The following ANKRD30A variants were observed in gnomAD, a reference collection of about 807,000 sequenced individuals.
ANKRD30A encodes ankyrin repeat domain 30A, also known as ankyrin repeat domain-containing protein 30A.
Under a neutral mutation model 166.3 loss-of-function variants are expected in ANKRD30A, and 170 were observed. The observed-to-expected ratio is 1.02, with a 90% CI of 0.90 to 1.16. ANKRD30A has a LOEUF of 1.16. Ranked by LOEUF, ANKRD30A falls within the 50% of genes most tolerant of loss-of-function variation. The pLI is 0.00. For missense variants in ANKRD30A, 1,630 were observed against 1,518.0 expected (o/e 1.07, Z -1.23); for synonymous variants, 564 against 508.9 (o/e 1.11, Z -1.46).
At chr10:37,223,517 A>G (rs1842989076) in intron 34 of ANKRD30A, among the ~76,000 whole-genome samples, 1 of 151,352 alleles carries the variant, frequency 6.6e-6, no homozygotes, top group East Asian at 1.9e-4. Context: ...TGGAAACCAA[A>G]ATGTAAATAT....
intron 24 of ANKRD30A, among the ~76,000 whole-genome samples, chr10:37,179,651 G>A (rs1432846534): frequency 6.9e-6 from 1 of 145,610 alleles, no homozygotes; most frequent in South Asian, 2.3e-4. Context: ...TATCCGAACT[G>A]TGTGGCTTCT....
chr10:37,221,079 G>A (rs1392415994), intron 34 of ANKRD30A, among the ~76,000 whole-genome samples: 1 of 137,596 alleles, frequency 7.3e-6, no homozygotes, highest in Non-Finnish European at 1.6e-5. Flanking sequence ...TCAGTAGGTT[G>A]TGAAGCATTA....
At chr10:37,152,200 T>A in intron 12 of ANKRD30A, 79 bp downstream of exon 12, 16 of 1,224,238 alleles carry the variant, frequency 1.3e-5, no homozygotes, top group Non-Finnish European at 1.2e-6. Context: ...TAGGCTTTAT[T>A]TTCTCGCCTC....
chr10:37,165,828 AC>A (rs1302651646), intron 18 of ANKRD30A, among the ~76,000 whole-genome samples: 1 of 152,164 alleles, frequency 6.6e-6, no homozygotes, highest in East Asian at 1.9e-4. Flanking sequence ...TTTTAAGGTC[AC>A]AACGGCGGAA....
chr10:37,160,708 CTTT>C (rs938080133), intron 15 of ANKRD30A, among the ~76,000 whole-genome samples: 62 of 152,178 alleles, frequency 4.1e-4, no homozygotes, highest in African/African-American at 1.4e-3. Flanking sequence ...ACTGTGCTCT[CTTT>C]TTCCCTAGAG....
At chr10:37,255,276 G>A in the ANKRD30A span, among the ~76,000 whole-genome samples, 1 of 152,168 alleles carries the variant, frequency 6.6e-6, no homozygotes, top group Non-Finnish European at 1.5e-5. Context: ...AGAAGGGCAA[G>A]AGGGTGGGAA....
At chr10:37,229,635 C>T (rs556301720) in intron 34 of ANKRD30A, among the ~76,000 whole-genome samples, 1 of 152,034 alleles carries the variant, frequency 6.6e-6, no homozygotes, top group East Asian at 1.9e-4. Flanking sequence ...ATTTAGTAAA[C>T]ATTGCTGATA....
chr10:37,128,988 G>A (rs553127473), intron 1 of ANKRD30A, among the ~76,000 whole-genome samples: 19 of 152,084 alleles, frequency 1.2e-4, no homozygotes, highest in East Asian at 1.9e-4. Context: ...ATCTAAATAC[G>A]GAATAAGATG....
chr10:37,212,489 T>A (rs572177129), intron 31 of ANKRD30A, among the ~76,000 whole-genome samples: 33 of 152,132 alleles, frequency 2.2e-4, no homozygotes, highest in Non-Finnish European at 3.7e-4. Flanking sequence ...AAGCTACCAA[T>A]GACCTTCTTC....
chr10:37,194,631 C>A, intron 27 of ANKRD30A, among the ~76,000 whole-genome samples: 1 of 152,150 alleles, frequency 6.6e-6, no homozygotes, highest in East Asian at 1.9e-4. Context: ...AGGCGTGAGG[C>A]ACCGTGCCCG....
At chr10:37,254,785 A>C in the ANKRD30A span, among the ~76,000 whole-genome samples, 37 of 148,658 alleles carry the variant, frequency 2.5e-4, no homozygotes, top group African/African-American at 8.9e-4. Context: ...CCGGGTTCAC[A>C]CCATTCTCCT....
intron 12 of ANKRD30A, among the ~76,000 whole-genome samples, chr10:37,152,753 C>T (rs17590222): frequency 6.6e-6 from 1 of 152,006 alleles, no homozygotes; most frequent in African/African-American, 2.4e-5. Context: ...AGTCAAGCTG[C>T]AGCAGCATGA....
intron 34 of ANKRD30A, among the ~76,000 whole-genome samples, chr10:37,226,659 G>T (rs1843168255): frequency 6.6e-6 from 1 of 151,748 alleles, no homozygotes; most frequent in Non-Finnish European, 1.5e-5. Context: ...TGAACTTTTA[G>T]GTATAAGTTT....
At chr10:37,229,563 T>C (rs1843321372) in intron 34 of ANKRD30A, among the ~76,000 whole-genome samples, 2 of 151,960 alleles carry the variant, frequency 1.3e-5, no homozygotes, top group Admixed American at 1.3e-4. Flanking sequence ...TTAACTGTAT[T>C]CACTCTACAA....
In ANKRD30A at chr10:37,149,759, G is replaced by A. The variant is rs761823168; in HGVS notation, c.1573-18G>A. ...GTATACATTCTTTATTAATCATTTTGCTTCCAACCCCATTTAGCCTGCCAT... is the reference window on the plus strand; with the variant it reads ...GTATACATTCTTTATTAATCATTTTACTTCCAACCCCATTTAGCCTGCCAT... On this transcript the variant is annotated intron_variant, in intron 10 of 35. Coordinates refer to ENST00000361713, the MANE Select transcript of ANKRD30A (RefSeq NM_052997.3). 2.9e-5 allele frequency: 47 copies of A among 1,612,710 alleles called. 1 individual carries two copies. The South Asian group carries it at 4.7e-4, about 16-fold the overall frequency.
chr10:37,231,769 C>G (rs1005323680), intron 35 of ANKRD30A, 89 bp downstream of exon 35: 4 of 218,148 alleles, frequency 1.8e-5, no homozygotes, highest in African/African-American at 6.8e-5. Flanking sequence ...TTAATTGACT[C>G]ACGTGTGTTA....
chr10:37,242,532 A>G, the ANKRD30A span, among the ~76,000 whole-genome samples: 1 of 152,100 alleles, frequency 6.6e-6, no homozygotes, highest in Non-Finnish European at 1.5e-5. Flanking sequence ...TTCATGGTTC[A>G]TTCTGTTTAA....
chr10:37,231,406 T>G, intron 34 of ANKRD30A, 55 bp from the exon 35 acceptor site: 2 of 1,480,746 alleles, frequency 1.4e-6, no homozygotes, highest in Non-Finnish European at 1.8e-6. Context: ...AGTCCTTTTC[T>G]AATTATGTAG....
Position 37,201,321 on chromosome 10 carries a change from A to G in ANKRD30A, c.2865A>G (p.Leu955=), listed in dbSNP as rs1469481619. Residue 955 remains leucine (L), a synonymous_variant, in exon 31 of 36, where the codon TTA becomes TTG. Transcript: ENST00000361713. The stretch of plus-strand genomic sequence containing the variant: ...AAATGGATAAAATAAGTGGAAAATT[A>G]GAAGGTAAGAACCATCTTTTATTTA... The part of the protein sequence containing the change: ...QKEMDKISGK[L]EDSTSLSKIL... 6.3e-7 allele frequency: 1 copy of G among 1,578,730 alleles called. No individual in the cohort carries two copies.
Sources: allele counts gnomAD v4.1 joint callset (sites outside exome capture counted in the v4.1 genomes callset), GRCh38; gene constraint gnomAD v4.1.1; transcripts MANE v1.5; gene names NCBI Gene and HGNC (gene_info 2026-07-23, HGNC 2026-07-21).